The following GASK1B variants were observed in gnomAD, a reference collection of about 807,000 sequenced individuals.
The protein encoded by GASK1B is golgi associated kinase 1B.
GASK1B carries 34 observed loss-of-function variants against 42.8 expected under a neutral mutation model. The observed-to-expected ratio is 0.79, with a 90% CI of 0.60 to 1.06. GASK1B has a LOEUF of 1.06. GASK1B is among the 50% of genes least tolerant of loss of function. The probability of loss-of-function intolerance (pLI) is 0.00; values close to 1 mark genes in which losing one functional copy is unlikely to be tolerated. For synonymous variants in GASK1B, 262 were observed against 259.1 expected, an observed-to-expected ratio of 1.01 and a Z score of -0.11; for missense variants, 686 against 661.0, an observed-to-expected ratio of 1.04 and a Z score of -0.42.
intron 2 of GASK1B, among the ~76,000 whole-genome samples, chr4:158,166,019 T>C: frequency 6.6e-6 from 1 of 152,160 alleles, no homozygotes; most frequent in East Asian, 1.9e-4. Context: ...TGATGCTATA[T>C]TTTAATTCAT....
At chr4:158,152,688 T>G (rs992958165) in intron 3 of GASK1B, among the ~76,000 whole-genome samples, 1 of 152,160 alleles carries the variant, frequency 6.6e-6, no homozygotes, top group Non-Finnish European at 1.5e-5. Flanking sequence ...AAGGATGGTT[T>G]AACATATGCA....
In GASK1B at chr4:158,170,932, T is replaced by C. The variant is rs767581120; in HGVS notation, c.444A>G (p.Pro148=). Residue 148 remains proline (P), a synonymous_variant, in exon 2 of 5, where the codon CCA becomes CCG. Coordinates refer to ENST00000585682, the MANE Select transcript of GASK1B (RefSeq NM_001128424.2). ...AAPGQEALVG[P]SLQPQEAARE... ...TTGCCGCTTCCTGCGGCTGAAGGGATGGTCCGACCAAAGCCTCCTGCCCTG... is the reference window on the plus strand; with the variant it reads ...TTGCCGCTTCCTGCGGCTGAAGGGACGGTCCGACCAAAGCCTCCTGCCCTG... The C allele has an allele frequency of 1.9e-6, 3 of 1,614,228 alleles. No individual in the cohort carries two copies. In the South Asian group the frequency reaches 3.3e-5, roughly 18 times the overall value.
Position 158,125,236 on chromosome 4 carries a change from C to T in GASK1B, c.*2171G>A, listed in dbSNP as rs1424844861. 1 of 152,088 alleles carries T rather than the reference C, an allele frequency of 6.6e-6. No homozygotes were observed. The highest frequency in any genetic ancestry group is 6.6e-5 in the Admixed American group (1 of 15,254). The allele number at this position is 152,088 out of a possible 1,614,324, so 9.4% of individuals were successfully genotyped here. ...GACTAAAATAAACATGTTCCTGGGACTTTCATTTAATAAGCATTTTGGAAT... is the reference window on the plus strand; with the variant it reads ...GACTAAAATAAACATGTTCCTGGGATTTTCATTTAATAAGCATTTTGGAAT... On this transcript the variant is annotated 3_prime_UTR_variant, in exon 5 of 5. Coordinates refer to ENST00000585682, the MANE Select transcript of GASK1B (RefSeq NM_001128424.2).
At chr4:158,136,201 G>A (rs775800414) in intron 3 of GASK1B, among the ~76,000 whole-genome samples, 1 of 151,962 alleles carries the variant, frequency 6.6e-6, no homozygotes, top group Non-Finnish European at 1.5e-5. Context: ...GGAACATTAG[G>A]GCAGGTAGTC....
chr4:158,155,276 C>T (rs1205667256), intron 3 of GASK1B, among the ~76,000 whole-genome samples: 1 of 152,148 alleles, frequency 6.6e-6, no homozygotes, highest in Non-Finnish European at 1.5e-5. Context: ...TTTGAAATGG[C>T]CCTGCCAAGC....
intron 3 of GASK1B, among the ~76,000 whole-genome samples, chr4:158,133,895 ATGTGTGTG>A (rs143535648): frequency 2.0e-5 from 3 of 150,972 alleles, no homozygotes; most frequent in Non-Finnish European, 3.0e-5. Flanking sequence ...TGATGGGCAT[ATGTGTGTG>A]TGTGTGTGTG....
chr4:158,145,876 C>CAT (rs1182333881), intron 3 of GASK1B, among the ~76,000 whole-genome samples: 1 of 152,130 alleles, frequency 6.6e-6, no homozygotes, highest in African/African-American at 2.4e-5. Flanking sequence ...TCTCCCAAGA[C>CAT]ATATCTTTGT....
At chr4:158,163,025 A>G (rs1732085575) in intron 2 of GASK1B, among the ~76,000 whole-genome samples, 1 of 152,212 alleles carries the variant, frequency 6.6e-6, no homozygotes. Flanking sequence ...GGAAATGTGT[A>G]CAAGATTATC....
At chr4:158,144,247 G>C (rs1731247914) in intron 3 of GASK1B, among the ~76,000 whole-genome samples, 1 of 152,124 alleles carries the variant, frequency 6.6e-6, no homozygotes, top group African/African-American at 2.4e-5. Flanking sequence ...AGATAATTTG[G>C]AAAGTCTTCT....
intron 3 of GASK1B, among the ~76,000 whole-genome samples, chr4:158,147,328 C>A (rs942042451): frequency 6.6e-6 from 1 of 152,012 alleles, no homozygotes; most frequent in Non-Finnish European, 1.5e-5. Flanking sequence ...TGGCCAGGCA[C>A]GGTGACTCAT....
intron 2 of GASK1B, chr4:158,167,254 T>A (rs987426975): frequency 6.6e-6 from 1 of 152,112 alleles, no homozygotes; most frequent in African/African-American, 2.4e-5. Context: ...GAGAAATATA[T>A]ACCTAAATTA....
intron 3 of GASK1B, among the ~76,000 whole-genome samples, chr4:158,140,410 C>T (rs1560780057): frequency 6.6e-6 from 1 of 152,160 alleles, no homozygotes; most frequent in African/African-American, 2.4e-5. Context: ...TCACTTAACC[C>T]TTAACCCTCT....
At chr4:158,133,918 C>CGT (rs1303295311) in intron 3 of GASK1B, among the ~76,000 whole-genome samples, 7 of 150,882 alleles carry the variant, frequency 4.6e-5, no homozygotes, top group African/African-American at 1.7e-4. Context: ...TGTGTGTGTG[C>CGT]GCGTGCACGA....
intron 2 of GASK1B, among the ~76,000 whole-genome samples, chr4:158,158,208 G>A (rs1237096398): frequency 2.0e-5 from 3 of 152,118 alleles, no homozygotes; most frequent in Non-Finnish European, 4.4e-5. Context: ...TTATCAGGAA[G>A]AAATGAGATC....
intron 3 of GASK1B, among the ~76,000 whole-genome samples, chr4:158,137,538 G>A (rs546225944): frequency 3.2e-4 from 48 of 152,240 alleles, no homozygotes; most frequent in Non-Finnish European, 6.0e-4. Context: ...GAAAACCACT[G>A]TATGGTTGCC....
At position 158,127,338 on chromosome 4, in the gene GASK1B, G is replaced by A. The variant is rs1307993842; in HGVS notation, c.*69C>T. On this transcript the variant is annotated 3_prime_UTR_variant, in exon 5 of 5. Coordinates refer to ENST00000585682, the MANE Select transcript of GASK1B (RefSeq NM_001128424.2). Reference sequence around the variant, plus strand: ...ATTGCTAAACGGGCTTGAGGTTGATGTGCTTGATTTAAAAACAAAACCAAA... The same window carrying A: ...ATTGCTAAACGGGCTTGAGGTTGATATGCTTGATTTAAAAACAAAACCAAA... The A allele has an allele frequency of 7.5e-7, 1 of 1,330,842 alleles. No individual in the cohort carries two copies. The highest frequency in any genetic ancestry group is 1.1e-6 in the Non-Finnish European group (1 of 945,618). The allele number at this position is 1,330,842 out of a possible 1,614,324, so 82.4% of individuals were successfully genotyped here.
chr4:158,136,397 T>A (rs963000658), intron 3 of GASK1B, among the ~76,000 whole-genome samples: 1 of 152,056 alleles, frequency 6.6e-6, no homozygotes, highest in Non-Finnish European at 1.5e-5. Context: ...AAATTTTTTA[T>A]GTGTCTGCAA....
At chr4:158,170,310 G>T (rs755256963) in intron 2 of GASK1B, 156 bp downstream of exon 2, 2 of 1,614,238 alleles carry the variant, frequency 1.2e-6, no homozygotes, top group South Asian at 1.1e-5. Flanking sequence ...GGAAAATAAA[G>T]AATGCCAAGC....
chr4:158,158,598 G>A (rs1406156891), intron 2 of GASK1B, among the ~76,000 whole-genome samples: 4 of 151,976 alleles, frequency 2.6e-5, no homozygotes, highest in African/African-American at 7.2e-5. Context: ...TAATTGTAAT[G>A]CAATAATCTA....
Sources: gnomAD v4.1 joint callset for allele counts (sites outside exome capture counted in the v4.1 genomes callset) on GRCh38, gnomAD v4.1.1 for gene constraint, MANE v1.5 for transcripts, NCBI Gene and HGNC (gene_info 2026-07-23, HGNC 2026-07-21) for gene names.